Variants in MEIS1 observed in about 807,000 individuals in gnomAD.
MEIS1 encodes the protein Meis homeobox 1, also known as homeobox protein Meis1.
MEIS1 carries 5 observed loss-of-function variants against 50.8 expected under a neutral mutation model. The observed-to-expected ratio is 0.10, with a 90% CI of 0.05 to 0.21. The LOEUF (loss-of-function observed/expected upper bound fraction) is 0.21. Ranked by LOEUF, MEIS1 falls within the 10% of genes least tolerant of loss-of-function variation. The pLI is 1.00. For synonymous variants in MEIS1, 176 were observed against 179.3 expected, an observed-to-expected ratio of 0.98 and a Z score of 0.15; for missense variants, 318 against 517.3, an observed-to-expected ratio of 0.61 and a Z score of 3.74.
intron 8 of MEIS1, among the ~76,000 whole-genome samples, chr2:66,514,289 T>A (rs1431539447): frequency 6.6e-6 from 1 of 152,200 alleles, no homozygotes; most frequent in Non-Finnish European, 1.5e-5. Context: ...TTTTCTAGGT[T>A]GTACCCTTGT....
chr2:66,511,576 G>A (rs1211808284), intron 7 of MEIS1, among the ~76,000 whole-genome samples: 1 of 152,104 alleles, frequency 6.6e-6, no homozygotes, highest in African/African-American at 2.4e-5. Flanking sequence ...TACTAAACTT[G>A]ATGCTTTCTC....
intron 9 of MEIS1, among the ~76,000 whole-genome samples, chr2:66,557,195 C>A (rs1429580559): frequency 6.6e-6 from 1 of 152,054 alleles, no homozygotes; most frequent in Non-Finnish European, 1.5e-5. Flanking sequence ...AGGCTCAGGG[C>A]TAATTAGAGG....
chr2:66,542,082 G>A (rs1389395596), intron 8 of MEIS1, among the ~76,000 whole-genome samples: 1 of 152,086 alleles, frequency 6.6e-6, no homozygotes, highest in African/African-American at 2.4e-5. Flanking sequence ...TATTTAAAGT[G>A]GGAGAAGTTT....
intron 8 of MEIS1, among the ~76,000 whole-genome samples, chr2:66,540,310 T>A (rs1369234677): frequency 6.6e-6 from 1 of 152,170 alleles, no homozygotes; most frequent in Non-Finnish European, 1.5e-5. Flanking sequence ...CCTCCTGTCC[T>A]GTTTTTGTTT....
intron 3 of MEIS1, 162 bp downstream of exon 3, chr2:66,440,146 C>T: frequency 4.3e-6 from 3 of 700,526 alleles, no homozygotes; most frequent in Non-Finnish European, 7.0e-6. Flanking sequence ...ATGCATGTTA[C>T]CTCCAACCTC....
At chr2:66,439,745 T>C (rs1359284311) in intron 2 of MEIS1, 98 bp from the exon 3 acceptor site, 1 of 1,600,066 alleles carries the variant, frequency 6.2e-7, no homozygotes, top group African/African-American at 1.3e-5. Flanking sequence ...AGAGGGGGTC[T>C]GTTCCTCTTG....
chr2:66,466,754 A>G (rs1672645991), intron 7 of MEIS1, among the ~76,000 whole-genome samples: 1 of 152,200 alleles, frequency 6.6e-6, no homozygotes, highest in Non-Finnish European at 1.5e-5. Flanking sequence ...AAATCCATAA[A>G]TATGTCTTTA....
chr2:66,565,186 T>G (rs770470665), intron 9 of MEIS1, among the ~76,000 whole-genome samples: 1 of 152,114 alleles, frequency 6.6e-6, no homozygotes, highest in South Asian at 2.1e-4. Context: ...GACTCAAACC[T>G]GAGTTGATTA....
chr2:66,437,950 G>C lies in MEIS1; in HGVS notation c.226G>C (p.Asp76His). ...SVNDALKRDK[D>H]AIYGHPLFPL... ...CAATGACGCTTTAAAGAGAGATAAA[G>C]ATGCCATTTATGGGTAGGTACAATG... Residue 76 changes from aspartate (D) to histidine (H), a missense_variant, in exon 2 of 13, where the codon GAT becomes CAT. Physicochemically the swap from Asp to His is moderately conservative, Grantham distance 81. Transcript: ENST00000272369. 1 of 1,575,458 alleles carries C rather than the reference G, an allele frequency of 6.3e-7. No homozygotes were observed. Among genetic ancestry groups the C allele is most frequent in the South Asian group, 1.2e-5 (1 of 86,058 alleles).
In MEIS1 at chr2:66,492,229, A is replaced by G. The variant is rs534111242; in HGVS notation, c.743-19920A>G. On this transcript the variant is annotated intron_variant, in intron 7 of 12. Transcript: ENST00000272369. ...GAACAGATGAGACAGACAGCTGACC[A>G]GGCAGCCATGAACCTTTCCGTCTGT... 9.9e-5 allele frequency among the ~76,000 whole-genome samples: 15 copies of G among 152,004 alleles called. 2 individuals carry two copies. Among genetic ancestry groups the G allele is most frequent in the African/African-American group, 3.1e-4 (13 of 41,484 alleles).
chr2:66,440,889 T>G, intron 4 of MEIS1: 2 of 492,156 alleles, frequency 4.1e-6, no homozygotes, highest in Non-Finnish European at 7.1e-6. Context: ...GCGCGGGGAT[T>G]TATCTCCCGG....
At chr2:66,462,326 G>C (rs2103740028) in intron 6 of MEIS1, among the ~76,000 whole-genome samples, 1 of 152,252 alleles carries the variant, frequency 6.6e-6, no homozygotes, top group East Asian at 1.9e-4. Flanking sequence ...AATAAAATGA[G>C]AGTGCCCAGG....
At chr2:66,462,164 G>C (rs777532022) in intron 6 of MEIS1, among the ~76,000 whole-genome samples, 1 of 152,176 alleles carries the variant, frequency 6.6e-6, no homozygotes, top group Non-Finnish European at 1.5e-5. Flanking sequence ...TTGGTTCTAA[G>C]TCACCTTTTT....
chr2:66,455,349 C>A (rs1432128428), intron 6 of MEIS1, among the ~76,000 whole-genome samples: 1 of 152,086 alleles, frequency 6.6e-6, no homozygotes, highest in East Asian at 1.9e-4. Flanking sequence ...TCTATATTAT[C>A]TTCTTAGACC....
At chr2:66,438,049 T>G (rs761254112) in intron 2 of MEIS1, 86 bp downstream of exon 2, 167 of 1,204,930 alleles carry the variant, frequency 1.4e-4, no homozygotes, top group Non-Finnish European at 1.9e-4. Context: ...AAGTCAGAGT[T>G]CTCTGGATTG....
chr2:66,468,777 A>G (rs987120619), intron 7 of MEIS1, among the ~76,000 whole-genome samples: 7 of 152,354 alleles, frequency 4.6e-5, no homozygotes, highest in South Asian at 2.1e-4. Flanking sequence ...AGCTGTGAAT[A>G]AGATAGAATC....
chr2:66,483,216 A>AT (rs774480552), intron 7 of MEIS1, among the ~76,000 whole-genome samples: 9,670 of 121,072 alleles, frequency 0.08, 394 homozygotes, highest in African/African-American at 0.13. Context: ...AGTTATGCTT[A>AT]TTTTTTTTTT....
chr2:66,439,628 A>C, intron 2 of MEIS1: 2 of 1,537,610 alleles, frequency 1.3e-6, no homozygotes, highest in Non-Finnish European at 8.7e-7. Flanking sequence ...GATACCGTCC[A>C]TGGCTCAGGG....
chr2:66,495,466 A>G (rs1673378898), intron 7 of MEIS1, among the ~76,000 whole-genome samples: 1 of 152,190 alleles, frequency 6.6e-6, no homozygotes, highest in Non-Finnish European at 1.5e-5. Flanking sequence ...AATATAACAG[A>G]GATGCCTGAC....
Sources: gnomAD v4.1 joint callset for allele counts (sites outside exome capture counted in the v4.1 genomes callset) on GRCh38, gnomAD v4.1.1 for gene constraint, MANE v1.5 for transcripts, NCBI Gene and HGNC (gene_info 2026-07-23, HGNC 2026-07-21) for gene names.